PCDHA10: variants seen among roughly 807,000 people sequenced by gnomAD.
PCDHA10 encodes protocadherin alpha-10.
In PCDHA10, 45 loss-of-function variants were observed where a neutral mutation model predicts 61.2. The observed-to-expected ratio is 0.74, with a 90% confidence interval of 0.58 to 0.94. The LOEUF (loss-of-function observed/expected upper bound fraction) is 0.94, where lower values mean the gene tolerates loss of function less well. Ranked by LOEUF, PCDHA10 falls within the 40% of genes least tolerant of loss-of-function variation. The pLI, the probability that PCDHA10 is intolerant of heterozygous loss-of-function variation, is 0.00. For synonymous variants in PCDHA10, 602 were observed against 548.8 expected (o/e 1.10, Z -1.35); for missense variants, 1,278 against 1,236.2 (o/e 1.03, Z -0.51).
intron 1 of PCDHA10, among the ~76,000 whole-genome samples, chr5:140,887,231 A>G (rs570148204): frequency 7.0e-4 from 106 of 151,572 alleles, no homozygotes; most frequent in Admixed American, 1.4e-3. Context: ...CGAGTAGCTG[A>G]GACTACCGGC....
At chr5:140,870,273 C>T in intron 1 of PCDHA10, 10 of 1,614,192 alleles carry the variant, frequency 6.2e-6, no homozygotes, top group Non-Finnish European at 8.5e-6. Flanking sequence ...CGCTGACGCC[C>T]CACGTTCCCT....
intron 3 of PCDHA10, among the ~76,000 whole-genome samples, chr5:141,007,733 C>A (rs2098343034): frequency 6.6e-6 from 1 of 152,180 alleles, no homozygotes; most frequent in African/African-American, 2.4e-5. Flanking sequence ...CAAAGGTTAA[C>A]CACTGAAGAT....
At chr5:140,941,629 A>G (rs965702759) in intron 1 of PCDHA10, among the ~76,000 whole-genome samples, 12 of 151,584 alleles carry the variant, frequency 7.9e-5, no homozygotes, top group African/African-American at 2.9e-4. Context: ...CTGCTTCTTA[A>G]TTTCTGTCTT....
At chr5:140,899,460 T>G (rs2153464035) in intron 1 of PCDHA10, among the ~76,000 whole-genome samples, 1 of 152,380 alleles carries the variant, frequency 6.6e-6, no homozygotes, top group East Asian at 1.9e-4. Context: ...ATGTGGTTTT[T>G]GTCTTTGGTT....
intron 1 of PCDHA10, among the ~76,000 whole-genome samples, chr5:140,946,631 T>TATATATATATATATACACAC (rs57893927): frequency 7.6e-6 from 1 of 131,856 alleles, no homozygotes; most frequent in East Asian, 2.1e-4. Flanking sequence ...TATATATATA[T>TATATATATATATATACACAC]ACAATGGAAT....
chr5:141,010,535 C>G lies in PCDHA10; in HGVS notation c.*598C>G, dbSNP rs1423355739. 1 of 386,620 alleles carries G rather than the reference C, an allele frequency of 2.6e-6. No homozygotes were observed. Among genetic ancestry groups the G allele is most frequent in the African/African-American group, 2.0e-5 (1 of 48,880 alleles). 23.9% of individuals were successfully genotyped at this position (386,620 alleles called of 1,614,324 possible). On this transcript the variant is annotated 3_prime_UTR_variant, in exon 4 of 4. Coordinates refer to ENST00000307360, the MANE Select transcript of PCDHA10 (RefSeq NM_018901.4). ...CAACTCAAGAGGTGGCAGCCACCCT[C>G]TAGGAGACAAAACTACCCCCACTGA...
At chr5:140,967,123 C>T in intron 1 of PCDHA10, 1 of 1,612,724 alleles carries the variant, frequency 6.2e-7, no homozygotes, top group Non-Finnish European at 8.5e-7. Context: ...GCTGCCTGCT[C>T]AGCTTGGAAG....
chr5:140,997,133 C>G (rs1554255761), intron 3 of PCDHA10, among the ~76,000 whole-genome samples: 1 of 152,092 alleles, frequency 6.6e-6, no homozygotes, highest in Non-Finnish European at 1.5e-5. Flanking sequence ...ACAATGCCCC[C>G]ACACCCCCGC....
chr5:140,871,565 G>T, intron 1 of PCDHA10: 2 of 1,483,114 alleles, frequency 1.3e-6, no homozygotes, highest in South Asian at 2.7e-5. Context: ...TTTTTTTCAC[G>T]GATTTTTTAA....
At chr5:140,949,042 G>A (rs2094338452) in intron 1 of PCDHA10, among the ~76,000 whole-genome samples, 2 of 151,644 alleles carry the variant, frequency 1.3e-5, no homozygotes, top group African/African-American at 2.4e-5. Flanking sequence ...TTAAAAGTAT[G>A]TTCTAATTTC....
intron 1 of PCDHA10, among the ~76,000 whole-genome samples, chr5:140,976,765 C>T (rs1483381591): frequency 6.6e-6 from 1 of 152,172 alleles, no homozygotes; most frequent in Non-Finnish European, 1.5e-5. Context: ...CAGAAGCCTG[C>T]TAGACTCTGA....
At position 140,877,077 on chromosome 5, in the gene PCDHA10, G is replaced by A. The variant is rs373726752; in HGVS notation, c.2388+18641G>A. The A allele has an allele frequency of 1.1e-4, 183 of 1,613,104 alleles. 1 individual carries two copies. The highest frequency in any genetic ancestry group is 1.5e-4 in the Non-Finnish European group (175 of 1,179,844). On this transcript the variant is annotated intron_variant, in intron 1 of 3. Coordinates refer to ENST00000307360, the MANE Select transcript of PCDHA10 (RefSeq NM_018901.4). ...AGCTGGAGCTGCTGCAGTTCCAGGT[G>A]AGCGCGCGCGACGCCGGCGTGCCGC...
intron 1 of PCDHA10, among the ~76,000 whole-genome samples, chr5:140,874,456 A>T (rs1554167207): frequency 6.6e-6 from 1 of 152,236 alleles, no homozygotes; most frequent in Non-Finnish European, 1.5e-5. Flanking sequence ...AATGACCTGT[A>T]GGGGAAGATT....
At chr5:140,884,267 T>C in intron 1 of PCDHA10, 3 of 1,613,566 alleles carry the variant, frequency 1.9e-6, no homozygotes, top group South Asian at 1.1e-5. Context: ...AACGGTGCTG[T>C]TGTCGCTGGT....
intron 1 of PCDHA10, among the ~76,000 whole-genome samples, chr5:140,916,666 A>G (rs782065585): frequency 2.0e-5 from 3 of 152,176 alleles, no homozygotes; most frequent in Non-Finnish European, 2.9e-5. Flanking sequence ...AAGATGCAAG[A>G]CAAAGTCCTC....
chr5:140,967,116 G>T, intron 1 of PCDHA10: 1 of 1,612,922 alleles, frequency 6.2e-7, no homozygotes, highest in Non-Finnish European at 8.5e-7. Flanking sequence ...CGGCCTCGCT[G>T]CCTGCTCAGC....
At chr5:140,881,335 C>A in intron 1 of PCDHA10, 1 of 984,916 alleles carries the variant, frequency 1.0e-6, no homozygotes, top group Non-Finnish European at 1.2e-6. Context: ...ACCAGGACGC[C>A]GATTCGGGCT....
intron 1 of PCDHA10, among the ~76,000 whole-genome samples, chr5:140,958,134 T>C (rs1235856780): frequency 6.6e-6 from 1 of 152,150 alleles, no homozygotes; most frequent in African/African-American, 2.4e-5. Flanking sequence ...TGTATCAGTG[T>C]GTATATTTAT....
chr5:140,858,834 A>T, intron 1 of PCDHA10: 1 of 322,932 alleles, frequency 3.1e-6, no homozygotes, highest in Non-Finnish European at 5.8e-6. Context: ...CATTACCAAA[A>T]AATTCCACTG....
Sources: gnomAD v4.1 joint callset for allele counts (sites outside exome capture counted in the v4.1 genomes callset) on GRCh38, gnomAD v4.1.1 for gene constraint, MANE v1.5 for transcripts, NCBI Gene and HGNC (gene_info 2026-07-23, HGNC 2026-07-21) for gene names.